FTO: variants seen among roughly 807,000 people sequenced by gnomAD.
FTO encodes the protein FTO alpha-ketoglutarate dependent dioxygenase, also known as alpha-ketoglutarate-dependent dioxygenase FTO.
A neutral mutation model predicts 63.9 loss-of-function variants in FTO; 47 were observed. The observed-to-expected ratio is 0.74, with a 90% CI of 0.58 to 0.94. The LOEUF is 0.94. Among genes scored for constraint, FTO ranks in the 40% least tolerant of loss-of-function variants. The pLI is 0.00. For synonymous variants in FTO, 207 were observed against 224.4 expected, an observed-to-expected ratio of 0.92 and a Z score of 0.69; for missense variants, 562 against 618.1, an observed-to-expected ratio of 0.91 and a Z score of 0.96.
At chr16:53,896,890 G>A (rs1214550066) in intron 7 of FTO, among the ~76,000 whole-genome samples, 1 of 152,148 alleles carries the variant, frequency 6.6e-6, no homozygotes, top group Non-Finnish European at 1.5e-5. Context: ...TACTTTGAGA[G>A]GCTGGGCTGG....
rs200152693 is a variant in FTO, at chr16:53,873,821, G to T, written c.931G>T (p.Ala311Ser). 1.7e-5 allele frequency: 27 copies of T among 1,612,886 alleles called. No homozygotes were observed. Among genetic ancestry groups the T allele is most frequent in the Non-Finnish European group, 2.3e-5 (27 of 1,179,298 alleles). The change falls in exon 5 of 9, where the codon GCC becomes TCC. Residue 311 changes from alanine to serine, a missense_variant. Coordinates refer to ENST00000471389, the MANE Select transcript of FTO (RefSeq NM_001080432.3). ...TGCCACCCACCAACACTGTGTTTTG[G>T]CCGGTTCACAACCTCGGTTTAGTTC... ...LNATHQHCVL[A>S]GSQPRFSSTH...
rs78991515 is a variant in FTO at position 54,079,590 on chromosome 16, A to G, written c.1365-32172A>G. 3.8e-3 allele frequency among the ~76,000 whole-genome samples: 579 copies of G among 152,314 alleles called. 4 individuals are homozygous for G. Among genetic ancestry groups the G allele is most frequent in the African/African-American group, 0.013 (550 of 41,570 alleles). Reference sequence around the variant, plus strand: ...CTGAACTAAAACTGCAGGAAGTGCAATAGAGAGGCAACCCACGGGGTGAGG... The same window carrying G: ...CTGAACTAAAACTGCAGGAAGTGCAGTAGAGAGGCAACCCACGGGGTGAGG... On this transcript the variant is annotated intron_variant, in intron 8 of 8. Transcript: ENST00000471389.
intron 8 of FTO, among the ~76,000 whole-genome samples, chr16:53,985,654 G>T (rs1197726643): frequency 6.6e-6 from 1 of 152,148 alleles, no homozygotes; most frequent in Non-Finnish European, 1.5e-5. Context: ...GAACGCCAAG[G>T]TTGACACCAA....
chr16:53,961,052 C>A (rs1445710549), intron 8 of FTO, among the ~76,000 whole-genome samples: 1 of 152,132 alleles, frequency 6.6e-6, no homozygotes, highest in Admixed American at 6.5e-5. Context: ...TTCACCCCAC[C>A]TTTCTTCTGC....
intron 1 of FTO, among the ~76,000 whole-genome samples, chr16:53,759,452 G>A (rs1022294739): frequency 6.6e-5 from 10 of 152,080 alleles, no homozygotes; most frequent in African/African-American, 2.4e-4. Context: ...CCAGCACTTT[G>A]GGAGGCCCAG....
rs1341680509 is a variant in FTO, at chr16:54,111,758, C to A, written c.1365-4C>A. The A allele has an allele frequency of 6.2e-7, 1 of 1,614,102 alleles. No individual in the cohort carries two copies. Among genetic ancestry groups the A allele is most frequent in the East Asian group, 2.2e-5 (1 of 44,872 alleles). ...GGATTAATTTCCTATTTTTACTCTT[C>A]CAGGTGCCAGTCACGAATTGCCCGA... On this transcript the variant is annotated splice_polypyrimidine_tract_variant and splice_region_variant and intron_variant, in intron 8 of 8. Transcript: ENST00000471389.
At chr16:53,791,433 TA>T (rs1299654768) in intron 1 of FTO, among the ~76,000 whole-genome samples, 2 of 152,192 alleles carry the variant, frequency 1.3e-5, no homozygotes, top group Non-Finnish European at 2.9e-5. Context: ...GTAGGCTACT[TA>T]AAGAGATACC....
chr16:53,876,689 G>C (rs2080664146), intron 5 of FTO, among the ~76,000 whole-genome samples: 1 of 152,194 alleles, frequency 6.6e-6, no homozygotes, highest in African/African-American at 2.4e-5. Context: ...CACTTTAGGA[G>C]GCCGAGGTGA....
chr16:53,806,148 C>T (rs527308536), intron 1 of FTO, among the ~76,000 whole-genome samples: 1 of 152,222 alleles, frequency 6.6e-6, no homozygotes, highest in Admixed American at 6.5e-5. Flanking sequence ...TTTTCCTCTC[C>T]TCTTTAGTGT....
chr16:54,029,458 T>C (rs1282206787), intron 8 of FTO, among the ~76,000 whole-genome samples: 2 of 152,174 alleles, frequency 1.3e-5, no homozygotes, highest in Non-Finnish European at 2.9e-5. Context: ...GCTTTAGTTA[T>C]TCTCCTACTA....
intron 3 of FTO, among the ~76,000 whole-genome samples, chr16:53,830,896 AAAAC>A (rs1357519620): frequency 6.6e-6 from 1 of 152,336 alleles, no homozygotes; most frequent in Non-Finnish European, 1.5e-5. Context: ...ATTCCGTCTC[AAAAC>A]AAACAAAGAA....
chr16:53,751,479 A>T (rs928559700), intron 1 of FTO, among the ~76,000 whole-genome samples: 1 of 152,132 alleles, frequency 6.6e-6, no homozygotes, highest in Non-Finnish European at 1.5e-5. Context: ...TTTAAAAAGA[A>T]TGAAGTATTG....
intron 8 of FTO, chr16:54,071,148 C>T (rs1300814152): frequency 6.6e-6 from 1 of 152,148 alleles, no homozygotes; most frequent in Non-Finnish European, 1.5e-5. Context: ...AAACTTAGGC[C>T]CTCTCTTCTG....
intron 1 of FTO, among the ~76,000 whole-genome samples, chr16:53,739,111 G>C (rs1399157449): frequency 6.6e-6 from 1 of 152,180 alleles, no homozygotes; most frequent in Admixed American, 6.5e-5. Context: ...ACAAGTGTGA[G>C]CCATCGCAAT....
At position 54,033,173 on chromosome 16, in the gene FTO, G is replaced by A. The variant is rs568705947; in HGVS notation, c.1365-78589G>A. Among the ~76,000 whole-genome samples, 193 of 152,340 alleles carry A rather than the reference G, an allele frequency of 1.3e-3. 1 individual carries two copies. Among genetic ancestry groups the A allele is most frequent in the Admixed American group, 3.2e-3 (49 of 15,300 alleles). On this transcript the variant is annotated intron_variant, in intron 8 of 8. Coordinates refer to ENST00000471389, the MANE Select transcript of FTO (RefSeq NM_001080432.3). ...GGTTTTCTTATCATCTTGGTTTTCA[G>A]AAATGGACAAATTGCCAAGGGCCTG...
intron 8 of FTO, among the ~76,000 whole-genome samples, chr16:54,032,906 T>A (rs1398033765): frequency 1.3e-5 from 2 of 151,930 alleles, no homozygotes; most frequent in Admixed American, 6.6e-5. Context: ...CTCCCTCCCC[T>A]CCACTCGATC....
intron 8 of FTO, among the ~76,000 whole-genome samples, chr16:54,107,233 C>A (rs2086776251): frequency 6.6e-6 from 1 of 151,900 alleles, no homozygotes; most frequent in South Asian, 2.1e-4. Context: ...TATTTGCTAA[C>A]CCAAGAAACA....
Position 54,120,951 on chromosome 16 carries a change from A to T in FTO, c.*9036A>T, listed in dbSNP as rs1157017027. On this transcript the variant is annotated 3_prime_UTR_variant, in exon 9 of 9. Coordinates refer to ENST00000471389, the MANE Select transcript of FTO (RefSeq NM_001080432.3). Reference sequence around the variant, plus strand: ...AACGTCAAAGAGGCCAAGATGCATCATTCAGAACACTGGCAGGTCAAGCAG... The same window carrying T: ...AACGTCAAAGAGGCCAAGATGCATCTTTCAGAACACTGGCAGGTCAAGCAG... 1.3e-5 allele frequency: 2 copies of T among 152,530 alleles called. No homozygotes were observed. Among genetic ancestry groups the T allele is most frequent in the African/African-American group, 4.8e-5 (2 of 41,458 alleles). 9.4% of individuals were successfully genotyped at this position (152,530 alleles called of 1,614,324 possible).
At chr16:53,987,285 T>A (rs1277697342) in intron 8 of FTO, among the ~76,000 whole-genome samples, 1 of 152,020 alleles carries the variant, frequency 6.6e-6, no homozygotes, top group Non-Finnish European at 1.5e-5. Flanking sequence ...ATACGGTGTT[T>A]AAAATGACAA....
Sources: gnomAD v4.1 joint callset for allele counts (sites outside exome capture counted in the v4.1 genomes callset) on GRCh38, gnomAD v4.1.1 for gene constraint, MANE v1.5 for transcripts, NCBI Gene and HGNC (gene_info 2026-07-23, HGNC 2026-07-21) for gene names.